Variants in YAP1 observed in about 807,000 individuals in gnomAD.
YAP1 encodes the protein Yes1 associated transcriptional regulator.
YAP1 carries 5 observed loss-of-function variants against 56.9 expected under a neutral mutation model. That is an observed-to-expected ratio of 0.09 (90% CI 0.05 to 0.18). The LOEUF is 0.18. YAP1 is among the 10% of genes least tolerant of loss of function. YAP1 has a pLI of 1.00. For synonymous variants in YAP1, 265 were observed against 248.1 expected (o/e 1.07, Z -0.64); for missense variants, 539 against 651.8 (o/e 0.83, Z 1.88).
intron 3 of YAP1, among the ~76,000 whole-genome samples, chr11:102,182,969 G>A (rs1433847426): frequency 6.6e-6 from 1 of 152,128 alleles, no homozygotes; most frequent in Admixed American, 6.5e-5. Context: ...TACTTAAAAG[G>A]CAAGACATTG....
chr11:102,165,481 T>G (rs1946549742), intron 3 of YAP1, among the ~76,000 whole-genome samples: 1 of 152,102 alleles, frequency 6.6e-6, no homozygotes, highest in Non-Finnish European at 1.5e-5. Flanking sequence ...AAGAGGTGAC[T>G]TTGACACAGT....
rs1806644306 is a variant in YAP1 at position 102,206,067 on chromosome 11, T to G, written c.977T>G (p.Leu326Arg). 6.2e-7 allele frequency: 1 copy of G among 1,613,202 alleles called. No individual in the cohort carries two copies. The highest frequency in any genetic ancestry group is 8.5e-7 in the Non-Finnish European group (1 of 1,179,348). ...ERLRLKQQEL[L>R]RQAMRNINPS... ...CTGCGGCTGAAACAGCAAGAACTGCTTCGGCAGGTGAGGCCACAGGTTAGA... is the reference window on the plus strand; with the variant it reads ...CTGCGGCTGAAACAGCAAGAACTGCGTCGGCAGGTGAGGCCACAGGTTAGA... The change falls in exon 5 of 9, where the codon CTT (leucine) becomes CGT (arginine). Residue 326 changes from leucine (L) to arginine (R), a missense_variant. Coordinates refer to ENST00000282441, the MANE Select transcript of YAP1 (RefSeq NM_001130145.3).
chr11:102,153,853 TA>T lies in YAP1; in HGVS notation c.573-8590del, dbSNP rs201407836. ...ATTCCTCTCCATACAGAGGAACTCTTAAAAAAAAAAAAATCTGTAAGACCTA... is the reference window on the plus strand; with the variant it reads ...ATTCCTCTCCATACAGAGGAACTCTTAAAAAAAAAAAATCTGTAAGACCTA... On this transcript the variant is annotated intron_variant, in intron 2 of 8. Transcript: ENST00000282441. 6.7e-3 allele frequency among the ~76,000 whole-genome samples: 967 copies of T among 145,000 alleles called. 7 individuals are homozygous for T. The highest frequency in any genetic ancestry group is 0.017 in the African/African-American group (677 of 40,006).
chr11:102,187,422 A>G (rs1176058376), intron 4 of YAP1, among the ~76,000 whole-genome samples: 12 of 152,196 alleles, frequency 7.9e-5, no homozygotes, highest in African/African-American at 2.2e-4. Flanking sequence ...TCTGTTTACT[A>G]TTTGAATTAG....
rs1312141421 is a variant in YAP1 at position 102,231,845 on chromosome 11, A to G, written c.*1905A>G. 3.9e-5 allele frequency: 6 copies of G among 152,528 alleles called. No individual in the cohort carries two copies. The East Asian group carries it at 5.8e-4, about 15-fold the overall frequency. The allele number at this position is 152,528 out of a possible 1,614,324, so 9.4% of individuals were successfully genotyped here. On this transcript the variant is annotated 3_prime_UTR_variant, in exon 9 of 9. Transcript: ENST00000282441. ...GGGAAGATAGATTTTTTTCCCCCCA[A>G]TTACAAAATCTAAGTATTTTGGCCC...
intron 3 of YAP1, among the ~76,000 whole-genome samples, chr11:102,182,515 G>T (rs551874476): frequency 1.3e-5 from 2 of 152,272 alleles, no homozygotes; most frequent in East Asian, 3.9e-4. Context: ...TTATTCAACA[G>T]TTAGTTTAAG....
chr11:102,138,073 G>A (rs1944789634), intron 2 of YAP1, among the ~76,000 whole-genome samples: 1 of 152,112 alleles, frequency 6.6e-6, no homozygotes, highest in African/African-American at 2.4e-5. Context: ...TTTTAGTAGA[G>A]ACAGGGTTTC....
chr11:102,157,598 A>G (rs1381870757), intron 2 of YAP1, among the ~76,000 whole-genome samples: 4 of 152,238 alleles, frequency 2.6e-5, no homozygotes, highest in Non-Finnish European at 2.9e-5. Flanking sequence ...CTAAAAGTCA[A>G]TTTTTCTTAA....
chr11:102,210,639 A>C (rs1278194099), intron 6 of YAP1, among the ~76,000 whole-genome samples: 1 of 152,236 alleles, frequency 6.6e-6, no homozygotes, highest in Non-Finnish European at 1.5e-5. Context: ...AGGGGGCACT[A>C]ATATACCATT....
chr11:102,168,454 T>G (rs192077840), intron 3 of YAP1, among the ~76,000 whole-genome samples: 1 of 149,128 alleles, frequency 6.7e-6, no homozygotes, highest in Non-Finnish European at 1.5e-5. Flanking sequence ...CCTAAATGTC[T>G]TATTACAGGT....
chr11:102,194,811 C>T (rs1948490202), intron 4 of YAP1, among the ~76,000 whole-genome samples: 1 of 152,102 alleles, frequency 6.6e-6, no homozygotes. Flanking sequence ...AAGAGCTTTA[C>T]TAGTAATAAA....
intron 4 of YAP1, among the ~76,000 whole-genome samples, chr11:102,187,111 C>T (rs1402084752): frequency 6.6e-6 from 1 of 152,128 alleles, no homozygotes; most frequent in Non-Finnish European, 1.5e-5. Context: ...CATGAAAACA[C>T]AACCCTGCGG....
rs566899012 is a variant in YAP1 at position 102,227,317 on chromosome 11, C to T, written c.1164-152C>T. ...CATAGCACAAGCCCTGTCTATGGCC[C>T]TGAGGGAGGGTGCTTGTTTCAGACA... On this transcript the variant is annotated intron_variant, in intron 7 of 8. Coordinates refer to ENST00000282441, the MANE Select transcript of YAP1 (RefSeq NM_001130145.3). The T allele has an allele frequency of 9.7e-6, 6 of 621,058 alleles. No individual in the cohort carries two copies. The Admixed American group carries it at 1.1e-4, about 11-fold the overall frequency. The allele number at this position is 621,058 out of a possible 1,614,324, so 38.5% of individuals were successfully genotyped here.
At chr11:102,191,966 G>T (rs1227268275) in intron 4 of YAP1, among the ~76,000 whole-genome samples, 1 of 152,152 alleles carries the variant, frequency 6.6e-6, no homozygotes, top group Non-Finnish European at 1.5e-5. Context: ...GAGCCATAGG[G>T]CCTGGCCAAG....
chr11:102,139,112 A>G (rs118107239), intron 2 of YAP1, among the ~76,000 whole-genome samples: 29 of 151,840 alleles, frequency 1.9e-4, no homozygotes, highest in Non-Finnish European at 3.7e-4. Context: ...AATCCATTGT[A>G]ATTTTTTGTT....
At chr11:102,146,039 T>C (rs939034342) in intron 2 of YAP1, among the ~76,000 whole-genome samples, 3 of 152,234 alleles carry the variant, frequency 2.0e-5, no homozygotes, top group South Asian at 2.1e-4. Flanking sequence ...TAAGTCAGAA[T>C]GTCAAGGAAT....
chr11:102,226,626 T>C (rs1201300656), intron 7 of YAP1, among the ~76,000 whole-genome samples: 1 of 152,218 alleles, frequency 6.6e-6, no homozygotes, highest in African/African-American at 2.4e-5. Context: ...GAAAGTGTTC[T>C]ATTTCTCAGG....
chr11:102,112,678 C>T (rs746054587), intron 1 of YAP1: 58 of 985,098 alleles, frequency 5.9e-5, no homozygotes, highest in South Asian at 9.4e-5. Flanking sequence ...GACAAAAACC[C>T]GGGTTAAGGA....
intron 4 of YAP1, among the ~76,000 whole-genome samples, chr11:102,204,229 G>GAA (rs781528022): frequency 2.3e-4 from 27 of 116,012 alleles, no homozygotes; most frequent in African/African-American, 3.8e-4. Flanking sequence ...CAGAAAAGGG[G>GAA]AAAAAAAAAA....
Sources: gnomAD v4.1 joint callset for allele counts (sites outside exome capture counted in the v4.1 genomes callset) on GRCh38, gnomAD v4.1.1 for gene constraint, MANE v1.5 for transcripts, NCBI Gene and HGNC (gene_info 2026-07-23, HGNC 2026-07-21) for gene names.